UNC5C: variants seen among roughly 807,000 people sequenced by gnomAD.
UNC5C encodes the protein netrin receptor UNC5C.
Under a neutral mutation model 99.8 loss-of-function variants are expected in UNC5C, and 47 were observed. The observed-to-expected ratio is 0.47, with a 90% CI of 0.37 to 0.60. The LOEUF (loss-of-function observed/expected upper bound fraction) is 0.60. UNC5C is among the 20% of genes least tolerant of loss of function. The pLI, the probability that UNC5C is intolerant of heterozygous loss-of-function variation, is 0.00. For synonymous variants in UNC5C, 487 were observed against 452.2 expected (o/e 1.08, Z -0.98); for missense variants, 1,062 against 1,165.9 (o/e 0.91, Z 1.30).
chr4:95,368,366 C>T (rs1440027117), intron 1 of UNC5C, among the ~76,000 whole-genome samples: 1 of 148,408 alleles, frequency 6.7e-6, no homozygotes, highest in Non-Finnish European at 1.5e-5. Context: ...ATTTCACATC[C>T]CATTATGGCA....
chr4:95,408,678 C>A (rs1473683272), intron 1 of UNC5C, among the ~76,000 whole-genome samples: 16 of 152,058 alleles, frequency 1.1e-4, no homozygotes, highest in Non-Finnish European at 2.2e-4. Flanking sequence ...GTGCTTAGGG[C>A]ACTGAAATAT....
At chr4:95,424,964 A>G (rs1441049667) in intron 1 of UNC5C, among the ~76,000 whole-genome samples, 2 of 152,186 alleles carry the variant, frequency 1.3e-5, no homozygotes, top group Non-Finnish European at 2.9e-5. Flanking sequence ...ACTAGGCTTC[A>G]GGAAATTTGA....
At chr4:95,534,829 C>A (rs908493508) in intron 1 of UNC5C, among the ~76,000 whole-genome samples, 2 of 152,038 alleles carry the variant, frequency 1.3e-5, no homozygotes, top group African/African-American at 4.8e-5. Flanking sequence ...AAATGTAGAA[C>A]TTTGACCTTG....
At chr4:95,196,457 T>C (rs903229943) in intron 12 of UNC5C, among the ~76,000 whole-genome samples, 5 of 151,984 alleles carry the variant, frequency 3.3e-5, no homozygotes, top group Non-Finnish European at 7.4e-5. Flanking sequence ...CTGAAAGGTA[T>C]AAAATAATTC....
rs998409535 is a variant in UNC5C, at chr4:95,301,661, C to G, written c.435G>C (p.Val145=). The G allele has an allele frequency of 1.2e-6, 2 of 1,613,846 alleles. No homozygotes were observed. The highest frequency in any genetic ancestry group is 1.7e-6 in the Non-Finnish European group (2 of 1,180,028). ...TTGTGGTACCCGCGGAGCTCCAGGC[C>G]ACACACTGGCACCAGTAATCTTCAG... The part of the protein sequence containing the change: ...FGPEDYWCQC[V]AWSSAGTTKS... Residue 145 remains valine (V), a synonymous_variant, in exon 3 of 16, where the codon GTG becomes GTC. Coordinates refer to ENST00000453304, the MANE Select transcript of UNC5C (RefSeq NM_003728.4).
intron 1 of UNC5C, among the ~76,000 whole-genome samples, chr4:95,357,622 A>T (rs2149433026): frequency 6.6e-6 from 1 of 152,118 alleles, no homozygotes; most frequent in Non-Finnish European, 1.5e-5. Context: ...TGTCTCTACA[A>T]AAAATTAAAA....
intron 1 of UNC5C, among the ~76,000 whole-genome samples, chr4:95,387,341 T>C (rs907786488): frequency 3.9e-5 from 6 of 152,160 alleles, no homozygotes; most frequent in African/African-American, 9.7e-5. Flanking sequence ...GGCCTCACTA[T>C]GTTGCCCAGG....
Position 95,431,620 on chromosome 4 carries a change from T to C in UNC5C, c.125-95989A>G, listed in dbSNP as rs1459701985. ...TCGACATGTCTGAAGGTCACAACTC[T>C]CTAGGTGGTTTTCCTTTTCTAGTCT... On this transcript the variant is annotated intron_variant, in intron 1 of 15. Coordinates refer to ENST00000453304, the MANE Select transcript of UNC5C (RefSeq NM_003728.4). Among the ~76,000 whole-genome samples, 20 of 152,206 alleles carry C rather than the reference T, an allele frequency of 1.3e-4. No homozygotes were observed. The South Asian group carries it at 4.1e-3, about 32-fold the overall frequency.
intron 1 of UNC5C, among the ~76,000 whole-genome samples, chr4:95,438,437 T>C (rs1225481432): frequency 4.0e-5 from 2 of 50,026 alleles, no homozygotes; most frequent in Non-Finnish European, 1.1e-4. Flanking sequence ...GAACGTCTCT[T>C]TTTGAAAATA....
intron 1 of UNC5C, among the ~76,000 whole-genome samples, chr4:95,538,951 A>G (rs1722848019): frequency 6.6e-6 from 1 of 152,228 alleles, no homozygotes; most frequent in Non-Finnish European, 1.5e-5. Context: ...AAACCTGGAA[A>G]TAAAGCCACC....
intron 1 of UNC5C, among the ~76,000 whole-genome samples, chr4:95,537,457 A>T (rs1174214835): frequency 6.6e-6 from 1 of 152,176 alleles, no homozygotes; most frequent in Non-Finnish European, 1.5e-5. Flanking sequence ...TTCTCAACAC[A>T]CATTAGATTA....
rs116867092 is a variant in UNC5C at position 95,398,737 on chromosome 4, T to C, written c.125-63106A>G. On this transcript the variant is annotated intron_variant, in intron 1 of 15. Coordinates refer to ENST00000453304, the MANE Select transcript of UNC5C (RefSeq NM_003728.4). The stretch of plus-strand genomic sequence containing the variant: ...GCATGTAGACTTAGTCTTAATGAGA[T>C]AAGGTTTAGTCTGTGCCTTCTCAGT... Among the ~76,000 whole-genome samples, 95 of 152,314 alleles carry C rather than the reference T, an allele frequency of 6.2e-4. No individual in the cohort carries two copies. The East Asian group carries it at 0.015, about 25-fold the overall frequency.
At chr4:95,477,208 T>C (rs969157620) in intron 1 of UNC5C, among the ~76,000 whole-genome samples, 2 of 152,052 alleles carry the variant, frequency 1.3e-5, no homozygotes, top group African/African-American at 4.8e-5. Context: ...TGAGGTCCTG[T>C]TTAGCCAAGT....
chr4:95,528,840 A>T (rs1722563065), intron 1 of UNC5C, among the ~76,000 whole-genome samples: 1 of 152,146 alleles, frequency 6.6e-6, no homozygotes, highest in African/African-American at 2.4e-5. Context: ...CGATGAGAGG[A>T]TATAACTGTA....
intron 1 of UNC5C, among the ~76,000 whole-genome samples, chr4:95,539,090 A>G (rs889151829): frequency 1.4e-4 from 22 of 152,214 alleles, no homozygotes; most frequent in African/African-American, 5.1e-4. Context: ...ATCAGCCCAC[A>G]TGAGAGGTCA....
At chr4:95,403,511 C>T (rs1214017392) in intron 1 of UNC5C, among the ~76,000 whole-genome samples, 2 of 152,200 alleles carry the variant, frequency 1.3e-5, no homozygotes, top group African/African-American at 2.4e-5. Context: ...AATACTTTCA[C>T]TTTATTTCTG....
intron 4 of UNC5C, among the ~76,000 whole-genome samples, chr4:95,262,013 T>C (rs1437371487): frequency 1.3e-5 from 2 of 152,202 alleles, no homozygotes; most frequent in Non-Finnish European, 2.9e-5. Context: ...GCATTCCTTC[T>C]TATAACTAAT....
chr4:95,343,329 T>A (rs1386941445), intron 1 of UNC5C, among the ~76,000 whole-genome samples: 1 of 152,116 alleles, frequency 6.6e-6, no homozygotes, highest in Non-Finnish European at 1.5e-5. Context: ...GAGACTCTGC[T>A]TGTTTGTTTG....
At chr4:95,239,518 C>A (rs1443030266) in intron 7 of UNC5C, among the ~76,000 whole-genome samples, 1 of 152,114 alleles carries the variant, frequency 6.6e-6, no homozygotes, top group East Asian at 1.9e-4. Flanking sequence ...GATTTCCAGT[C>A]CCCGGGACCC....
Sources: allele counts gnomAD v4.1 joint callset (sites outside exome capture counted in the v4.1 genomes callset), GRCh38; gene constraint gnomAD v4.1.1; transcripts MANE v1.5; gene names NCBI Gene and HGNC (gene_info 2026-07-23, HGNC 2026-07-21).